The following CCDC169 variants were observed in gnomAD, a reference collection of about 807,000 sequenced individuals.
The protein encoded by CCDC169 is coiled-coil domain containing 169.
In CCDC169, 30 loss-of-function variants were observed where a neutral mutation model predicts 36.0. The ratio of observed to expected loss-of-function variants is 0.83; its 90% CI spans 0.62 to 1.13. CCDC169 has a LOEUF of 1.13. Among genes scored for constraint, CCDC169 ranks in the 50% most tolerant of loss-of-function variants. The pLI is 0.00. For missense variants in CCDC169, 245 were observed against 245.9 expected, an observed-to-expected ratio of 1.00 and a Z score of 0.03; for synonymous variants, 85 against 81.5, an observed-to-expected ratio of 1.04 and a Z score of -0.23.
intron 7 of CCDC169, among the ~76,000 whole-genome samples, chr13:36,236,625 A>G (rs1340310707): frequency 6.6e-6 from 1 of 152,104 alleles, no homozygotes; most frequent in African/African-American, 2.4e-5. Flanking sequence ...GGTCTTTATC[A>G]AAATTGAGAA....
At chr13:36,256,337 C>T (rs1873885772) in intron 4 of CCDC169, among the ~76,000 whole-genome samples, 1 of 152,144 alleles carries the variant, frequency 6.6e-6, no homozygotes, top group African/African-American at 2.4e-5. Context: ...ACTCATGGTT[C>T]TGCATGGCTG....
At chr13:36,227,672 G>A (rs1297271352), downstream of CCDC169, among the ~76,000 whole-genome samples, 4 of 151,978 alleles carry the variant, frequency 2.6e-5, no homozygotes, top group African/African-American at 9.7e-5. Flanking sequence ...CTTTACTGAG[G>A]TATAAATCAC....
At chr13:36,247,091 A>G (rs564602023) in intron 7 of CCDC169, among the ~76,000 whole-genome samples, 32 of 152,202 alleles carry the variant, frequency 2.1e-4, no homozygotes, top group Non-Finnish European at 3.8e-4. Context: ...TACTCTATAC[A>G]TGAAACAACA....
chr13:36,283,538 T>C, intron 3 of CCDC169, 29 bp from the exon 4 acceptor site: 2 of 1,550,868 alleles, frequency 1.3e-6, no homozygotes, highest in South Asian at 1.2e-5. Flanking sequence ...GAGCACTTAA[T>C]GTTTTATCAG....
chr13:36,234,599 A>G (rs962244454), intron 7 of CCDC169, among the ~76,000 whole-genome samples: 15 of 152,186 alleles, frequency 9.9e-5, no homozygotes, highest in Admixed American at 8.5e-4. Context: ...CTCACTCTGT[A>G]AAAGGGATCT....
rs559619630 is a variant in CCDC169, at chr13:36,277,694, G to A, written c.315+5775C>T. On this transcript the variant is annotated intron_variant, in intron 4 of 7. Coordinates refer to ENST00000239859, the MANE Select transcript of CCDC169 (RefSeq NM_001144981.3). ...GGTTAAATATCAGCTGGGTGAGGTG[G>A]CTCACGCCTGTAATGGGAGGCTGAG... 6.4e-4 allele frequency among the ~76,000 whole-genome samples: 97 copies of A among 152,184 alleles called. 1 individual carries two copies. The highest frequency in any genetic ancestry group is 4.8e-3 in the Admixed American group (74 of 15,278).
chr13:36,264,725 G>T (rs1003758797), intron 4 of CCDC169, among the ~76,000 whole-genome samples: 2 of 152,094 alleles, frequency 1.3e-5, no homozygotes, highest in African/African-American at 4.8e-5. Flanking sequence ...TAGATTCCTT[G>T]TCTCGTAGCC....
At chr13:36,294,256 TA>T (rs1452594884) in intron 2 of CCDC169, among the ~76,000 whole-genome samples, 5 of 152,302 alleles carry the variant, frequency 3.3e-5, no homozygotes, top group African/African-American at 1.2e-4. Context: ...AGCCACATTT[TA>T]CTACTGGGCA....
intron 7 of CCDC169, among the ~76,000 whole-genome samples, chr13:36,242,386 T>C (rs1001117434): frequency 6.6e-6 from 1 of 152,102 alleles, no homozygotes; most frequent in African/African-American, 2.4e-5. Flanking sequence ...GGATATCCCA[T>C]TCTGTGAGGT....
chr13:36,257,245 C>T (rs1228618759), intron 4 of CCDC169, among the ~76,000 whole-genome samples: 1 of 152,296 alleles, frequency 6.6e-6, no homozygotes, highest in East Asian at 1.9e-4. Flanking sequence ...CCATTTCAGG[C>T]CCCATCTAGC....
chr13:36,275,206 C>CA lies in CCDC169; in HGVS notation c.315+8262dup, dbSNP rs201969132. On this transcript the variant is annotated intron_variant, in intron 4 of 7. Coordinates refer to ENST00000239859, the MANE Select transcript of CCDC169 (RefSeq NM_001144981.3). ...AAACCAATGATTGCTAACAAACACA[C>CA]AAAAAAAAAGTAAAAAAAAAATCAC... Among the ~76,000 whole-genome samples, 272 of 146,140 alleles carry CA rather than the reference C, an allele frequency of 1.9e-3. 2 individuals are homozygous for CA. In the East Asian group the frequency reaches 0.022, roughly 12 times the overall value.
chr13:36,279,351 G>C (rs918118449), intron 4 of CCDC169, among the ~76,000 whole-genome samples: 1 of 151,922 alleles, frequency 6.6e-6, no homozygotes, highest in African/African-American at 2.4e-5. Flanking sequence ...CAGCTTCATC[G>C]CTCATCATCC....
At chr13:36,241,602 A>G (rs910649139) in intron 7 of CCDC169, among the ~76,000 whole-genome samples, 4 of 152,172 alleles carry the variant, frequency 2.6e-5, no homozygotes, top group African/African-American at 9.7e-5. Context: ...TCATATATGT[A>G]TATATAATTT....
At chr13:36,284,893 G>A (rs947618269) in intron 2 of CCDC169, among the ~76,000 whole-genome samples, 3 of 151,958 alleles carry the variant, frequency 2.0e-5, no homozygotes, top group African/African-American at 4.8e-5. Context: ...ATGCAAATGC[G>A]GTCTACCAAA....
chr13:36,286,139 T>C (rs1878226314), intron 2 of CCDC169, among the ~76,000 whole-genome samples: 1 of 152,224 alleles, frequency 6.6e-6, no homozygotes, highest in African/African-American at 2.4e-5. Context: ...GAATACTAGT[T>C]GCTGATGGCT....
downstream of CCDC169, chr13:36,223,682 G>A (rs1411853640): frequency 6.6e-6 from 1 of 151,992 alleles, no homozygotes; most frequent in Non-Finnish European, 1.5e-5. Flanking sequence ...TCCCAGCACT[G>A]TTGTTACAGT....
At chr13:36,240,545 A>G (rs9546834) in intron 7 of CCDC169, 480,575 of 1,037,268 alleles carry the variant, frequency 0.46, 114,149 homozygotes, top group Non-Finnish European at 0.48. Flanking sequence ...TCAGAAGGAT[A>G]CGCCCCTAAC....
downstream of CCDC169, chr13:36,227,437 C>T: frequency 7.0e-7 from 1 of 1,431,300 alleles, no homozygotes; most frequent in Admixed American, 2.6e-5. Flanking sequence ...TACAAATATG[C>T]TAATAAAGCA....
chr13:36,253,877 A>T (rs777690847), intron 5 of CCDC169, 21 bp from the exon 6 acceptor site: 24 of 1,550,670 alleles, frequency 1.5e-5, no homozygotes, highest in Non-Finnish European at 2.1e-5. Context: ...ATACAAAAGC[A>T]AAGGGTCCAA....
Sources: allele counts gnomAD v4.1 joint callset (sites outside exome capture counted in the v4.1 genomes callset), GRCh38; gene constraint gnomAD v4.1.1; transcripts MANE v1.5; gene names NCBI Gene and HGNC (gene_info 2026-07-23, HGNC 2026-07-21).